The following SERGEF variants were observed in gnomAD, a reference collection of about 807,000 sequenced individuals.
The protein encoded by SERGEF is secretion-regulating guanine nucleotide exchange factor.
A neutral mutation model predicts 50.0 loss-of-function variants in SERGEF; 51 were observed. The observed-to-expected ratio is 1.02, with a 90% confidence interval of 0.81 to 1.29. The LOEUF is 1.29. SERGEF is among the 50% of genes most tolerant of loss of function. The probability of loss-of-function intolerance (pLI) is 0.00; values close to 1 mark genes in which losing one functional copy is unlikely to be tolerated. For missense variants in SERGEF, 521 were observed against 557.0 expected, an observed-to-expected ratio of 0.94 and a Z score of 0.65; for synonymous variants, 205 against 212.4, an observed-to-expected ratio of 0.97 and a Z score of 0.30.
chr11:17,814,019 A>T (rs1272214166), intron 10 of SERGEF, among the ~76,000 whole-genome samples: 1 of 152,234 alleles, frequency 6.6e-6, no homozygotes, highest in Non-Finnish European at 1.5e-5. Context: ...CAGAGACAGC[A>T]TTAAGTGAAA....
chr11:17,788,057 G>A lies in SERGEF; in HGVS notation c.*28C>T. On this transcript the variant is annotated 3_prime_UTR_variant, in exon 11 of 11. Coordinates refer to ENST00000265965, the MANE Select transcript of SERGEF (RefSeq NM_012139.4). ...AATTCTCTGGGAAGGCTTTTGGTGG[G>A]AAAAGCCACTTTATTAAAGATTCTC... 4.0e-6 allele frequency: 6 copies of A among 1,485,848 alleles called. No homozygotes were observed. The Middle Eastern group carries it at 5.4e-4, about 135-fold the overall frequency. 92.0% of individuals were successfully genotyped at this position (1,485,848 alleles called of 1,614,324 possible).
intron 8 of SERGEF, among the ~76,000 whole-genome samples, chr11:17,982,101 G>A (rs929322667): frequency 2.6e-5 from 4 of 152,152 alleles, no homozygotes; most frequent in Admixed American, 6.5e-5. Flanking sequence ...CACCATGCCT[G>A]GCCAAAGCAG....
intron 10 of SERGEF, among the ~76,000 whole-genome samples, chr11:17,844,617 CCACCCAGAATGGAGAT>C (rs1850568404): frequency 6.6e-6 from 1 of 152,184 alleles, no homozygotes. Flanking sequence ...GCGTCTTCCT[CCACCCAGAATGGAGAT>C]GTCCTGCCCA....
intron 9 of SERGEF, among the ~76,000 whole-genome samples, chr11:17,922,000 A>C (rs1452627686): frequency 6.6e-6 from 1 of 152,108 alleles, no homozygotes; most frequent in Non-Finnish European, 1.5e-5. Flanking sequence ...CAGTAAGGTG[A>C]TCTCAAGCCC....
At chr11:17,939,722 G>A (rs1167695346) in intron 9 of SERGEF, 1 of 152,274 alleles carries the variant, frequency 6.6e-6, no homozygotes, top group Non-Finnish European at 1.5e-5. Context: ...AATGACACAA[G>A]GGATATCCCA....
chr11:17,825,758 T>G (rs1463031107), intron 10 of SERGEF, among the ~76,000 whole-genome samples: 1 of 152,176 alleles, frequency 6.6e-6, no homozygotes, highest in Non-Finnish European at 1.5e-5. Flanking sequence ...GCTCTGAAGC[T>G]TGGACATTAG....
chr11:18,004,613 G>T, intron 3 of SERGEF, 78 bp from the exon 4 acceptor site: 2 of 965,548 alleles, frequency 2.1e-6, no homozygotes, highest in Non-Finnish European at 1.6e-6. Context: ...TGCAGGGTGA[G>T]AGATGCAAAG....
intron 8 of SERGEF, among the ~76,000 whole-genome samples, chr11:17,979,905 G>A (rs568048680): frequency 2.0e-5 from 3 of 152,228 alleles, no homozygotes; most frequent in Admixed American, 1.3e-4. Context: ...AGACACAGCC[G>A]CTAAAAAATG....
intron 9 of SERGEF, among the ~76,000 whole-genome samples, chr11:17,932,947 G>A (rs1401935120): frequency 6.6e-6 from 1 of 152,086 alleles, no homozygotes; most frequent in Non-Finnish European, 1.5e-5. Context: ...AGGCTATACT[G>A]AATTATACAT....
chr11:17,899,952 CAA>C (rs113362559), intron 9 of SERGEF, among the ~76,000 whole-genome samples: 10 of 89,730 alleles, frequency 1.1e-4, no homozygotes, highest in Non-Finnish European at 1.8e-4. Context: ...CTCTTGCCTC[CAA>C]AAAAAAAAAA....
chr11:17,830,580 G>C (rs1850277204), intron 10 of SERGEF, among the ~76,000 whole-genome samples: 2 of 148,462 alleles, frequency 1.3e-5, no homozygotes, highest in Admixed American at 1.4e-4. Context: ...GAGGGAGAGA[G>C]ATGGGGAGAG....
At position 17,845,720 on chromosome 11, in the gene SERGEF, CCA is replaced by C. The variant is rs577509037; in HGVS notation, c.1048+32486_1048+32487del. On this transcript the variant is annotated intron_variant, in intron 10 of 10. Transcript: ENST00000265965. ...TGTGACTCATGTTTATAATCCATAA[CCA>C]CAGAGTCTGAAATCTTAGAGCTAAA... is the stretch of plus-strand genomic sequence containing the variant. Among the ~76,000 whole-genome samples, 3 of 152,306 alleles carry C rather than the reference CCA, an allele frequency of 2.0e-5. No homozygotes were observed. In the South Asian group the frequency reaches 6.2e-4, roughly 32 times the overall value.
At chr11:17,794,344 G>C (rs971164330) in intron 10 of SERGEF, among the ~76,000 whole-genome samples, 1 of 152,186 alleles carries the variant, frequency 6.6e-6, no homozygotes, top group Non-Finnish European at 1.5e-5. Flanking sequence ...CTCTGACCAT[G>C]AGCATGAGGG....
intron 10 of SERGEF, among the ~76,000 whole-genome samples, chr11:17,813,810 G>A (rs1324467086): frequency 6.6e-6 from 1 of 152,236 alleles, no homozygotes; most frequent in Non-Finnish European, 1.5e-5. Flanking sequence ...ACAGGATATG[G>A]AGGAAAACTC....
chr11:17,900,527 A>G (rs566891698), intron 9 of SERGEF, among the ~76,000 whole-genome samples: 1 of 152,306 alleles, frequency 6.6e-6, no homozygotes, highest in South Asian at 2.1e-4. Flanking sequence ...CTCCAATTGC[A>G]TTTATTATTA....
chr11:17,849,473 A>G (rs1391242083), intron 10 of SERGEF, among the ~76,000 whole-genome samples: 1 of 152,194 alleles, frequency 6.6e-6, no homozygotes, highest in African/African-American at 2.4e-5. Context: ...GAAAGGGATA[A>G]AACAACCCCC....
chr11:17,956,121 C>T (rs1852864943), intron 9 of SERGEF, among the ~76,000 whole-genome samples: 1 of 152,118 alleles, frequency 6.6e-6, no homozygotes, highest in Admixed American at 6.5e-5. Flanking sequence ...GAAGTTTTTA[C>T]CACTGTAAGG....
At chr11:17,864,217 C>T (rs986902509) in intron 10 of SERGEF, among the ~76,000 whole-genome samples, 2 of 152,174 alleles carry the variant, frequency 1.3e-5, no homozygotes, top group Non-Finnish European at 2.9e-5. Flanking sequence ...CTGTAAGCAA[C>T]CCTAAAAAGG....
intron 9 of SERGEF, among the ~76,000 whole-genome samples, chr11:17,900,970 T>A (rs1402708071): frequency 1.3e-5 from 2 of 152,076 alleles, no homozygotes; most frequent in Admixed American, 1.3e-4. Context: ...AAATAGGCAA[T>A]TCACCTGCAC....
Sources: allele counts gnomAD v4.1 joint callset (sites outside exome capture counted in the v4.1 genomes callset), GRCh38; gene constraint gnomAD v4.1.1; transcripts MANE v1.5; gene names NCBI Gene and HGNC (gene_info 2026-07-23, HGNC 2026-07-21).